Variants in MAGI3 observed in about 807,000 individuals in gnomAD.
MAGI3 encodes the protein membrane-associated guanylate kinase, WW and PDZ domain-containing protein 3.
In MAGI3, 43 loss-of-function variants were observed where a neutral mutation model predicts 121.8. The observed-to-expected ratio is 0.35, with a 90% CI of 0.28 to 0.46. The LOEUF is 0.46. MAGI3 is among the 20% of genes least tolerant of loss of function. The pLI, the probability that MAGI3 is intolerant of heterozygous loss-of-function variation, is 1.00. For synonymous variants in MAGI3, 553 were observed against 639.3 expected (o/e 0.86, Z 2.04); for missense variants, 1,547 against 1,797.3 (o/e 0.86, Z 2.52).
At chr1:113,673,108 C>T (rs1647662681) in intron 18 of MAGI3, among the ~76,000 whole-genome samples, 1 of 152,156 alleles carries the variant, frequency 6.6e-6, no homozygotes, top group Non-Finnish European at 1.5e-5. Flanking sequence ...TGCACATTGA[C>T]CAACTAGAAA....
In MAGI3 at chr1:113,601,924, G is replaced by T. The variant is rs12026195; in HGVS notation, c.1018+7364G>T. Among the ~76,000 whole-genome samples, 1,610 of 150,600 alleles carry T rather than the reference G, an allele frequency of 0.011. 173 individuals carry two copies. The East Asian group carries it at 0.25, about 23-fold the overall frequency. ...ATGATGAGTTCATGTCCTTTGTAGG[G>T]ACATGGATGAAATTGGAAATCATCA... On this transcript the variant is annotated intron_variant, in intron 6 of 20. Coordinates refer to ENST00000307546, the MANE Select transcript of MAGI3 (RefSeq NM_001142782.2).
At chr1:113,649,376 T>A in intron 13 of MAGI3, 48 bp downstream of exon 13, 2 of 1,336,878 alleles carry the variant, frequency 1.5e-6, no homozygotes, top group Non-Finnish European at 1.0e-6. Context: ...TCAAACGTTT[T>A]GAGTGGTGAT....
chr1:113,418,937 C>T (rs1359186469), intron 1 of MAGI3, among the ~76,000 whole-genome samples: 1 of 152,056 alleles, frequency 6.6e-6, no homozygotes, highest in Admixed American at 6.6e-5. Context: ...TATTACAGTA[C>T]ATTTATCAAA....
chr1:113,412,601 A>G (rs1652061424), intron 1 of MAGI3, among the ~76,000 whole-genome samples: 1 of 152,004 alleles, frequency 6.6e-6, no homozygotes, highest in South Asian at 2.1e-4. Flanking sequence ...TCTGGTTTTG[A>G]TTTGCATTTC....
intron 1 of MAGI3, among the ~76,000 whole-genome samples, chr1:113,521,596 C>T (rs1179260045): frequency 1.3e-5 from 2 of 151,490 alleles, no homozygotes; most frequent in African/African-American, 2.4e-5. Flanking sequence ...TTAGTAGAGA[C>T]GGGGTTTCAC....
chr1:113,542,656 A>G (rs1659344462), intron 1 of MAGI3, among the ~76,000 whole-genome samples: 2 of 152,220 alleles, frequency 1.3e-5, no homozygotes, highest in African/African-American at 4.8e-5. Context: ...TGTGTCATGG[A>G]AAAGTAGGCT....
chr1:113,471,323 T>G (rs928338942), intron 1 of MAGI3, among the ~76,000 whole-genome samples: 1 of 152,134 alleles, frequency 6.6e-6, no homozygotes, highest in Non-Finnish European at 1.5e-5. Context: ...GGAAGAAAAT[T>G]GAAAAACTCA....
intron 1 of MAGI3, among the ~76,000 whole-genome samples, chr1:113,520,477 TAA>T (rs1009812382): frequency 1.3e-5 from 2 of 152,228 alleles, no homozygotes; most frequent in African/African-American, 4.8e-5. Context: ...TTGTATTTTT[TAA>T]GAGATTTTAA....
intron 1 of MAGI3, among the ~76,000 whole-genome samples, chr1:113,439,483 C>G (rs1467246160): frequency 6.6e-6 from 1 of 152,160 alleles, no homozygotes; most frequent in Non-Finnish European, 1.5e-5. Context: ...TTTCCTGAAG[C>G]CAGTTTATTA....
At chr1:113,399,079 G>A (rs1207776821) in intron 1 of MAGI3, among the ~76,000 whole-genome samples, 4 of 151,990 alleles carry the variant, frequency 2.6e-5, no homozygotes, top group Non-Finnish European at 5.9e-5. Flanking sequence ...TTGGTCATTA[G>A]AATTATTATT....
At chr1:113,602,212 T>G (rs1398939543) in intron 6 of MAGI3, among the ~76,000 whole-genome samples, 1 of 151,954 alleles carries the variant, frequency 6.6e-6, no homozygotes, top group East Asian at 1.9e-4. Context: ...CCCTAAAACT[T>G]AAAGTATAAT....
chr1:113,681,160 A>G (rs762666836), intron 19 of MAGI3, 38 bp from the exon 20 acceptor site: 19 of 1,597,740 alleles, frequency 1.2e-5, no homozygotes, highest in African/African-American at 4.1e-5. Context: ...CAAAGGATGC[A>G]TAGTTTCATG....
At chr1:113,418,073 C>G (rs1652545302) in intron 1 of MAGI3, among the ~76,000 whole-genome samples, 1 of 151,912 alleles carries the variant, frequency 6.6e-6, no homozygotes, top group South Asian at 2.1e-4. Context: ...TGGTTTCAGT[C>G]TTTTGTTTTT....
chr1:113,561,495 A>C lies in MAGI3; in HGVS notation c.433+11864A>C, dbSNP rs189595136. Among the ~76,000 whole-genome samples the C allele has an allele frequency of 1.1e-4, 17 of 152,350 alleles. No homozygotes were observed. In the East Asian group the frequency reaches 2.3e-3, roughly 21 times the overall value. ...TCAATAAACGTAATTCACCACATAAATAGAACTAAAGACAAAAACCACGAT... is the reference window on the plus strand; with the variant it reads ...TCAATAAACGTAATTCACCACATAACTAGAACTAAAGACAAAAACCACGAT... On this transcript the variant is annotated intron_variant, in intron 2 of 20. Coordinates refer to ENST00000307546, the MANE Select transcript of MAGI3 (RefSeq NM_001142782.2).
chr1:113,550,020 G>T (rs1659699393), intron 2 of MAGI3, among the ~76,000 whole-genome samples: 1 of 151,708 alleles, frequency 6.6e-6, no homozygotes, highest in Non-Finnish European at 1.5e-5. Flanking sequence ...GGAGACTGAG[G>T]CAGGAGAATC....
intron 1 of MAGI3, among the ~76,000 whole-genome samples, chr1:113,514,944 C>T (rs1657812904): frequency 6.6e-6 from 1 of 151,992 alleles, no homozygotes; most frequent in Non-Finnish European, 1.5e-5. Context: ...ACTAAATTCT[C>T]ACATCTAGTA....
intron 9 of MAGI3, among the ~76,000 whole-genome samples, chr1:113,633,949 C>G (rs1249033824): frequency 1.3e-5 from 2 of 151,982 alleles, no homozygotes; most frequent in African/African-American, 4.8e-5. Flanking sequence ...GAGATGGTAT[C>G]TCATTGTGGT....
chr1:113,507,724 A>G (rs573053335), intron 1 of MAGI3, among the ~76,000 whole-genome samples: 1 of 152,332 alleles, frequency 6.6e-6, no homozygotes, highest in Admixed American at 6.5e-5. Context: ...GCACACAGAA[A>G]ATGCTTAGTG....
chr1:113,533,545 A>T (rs994725812), intron 1 of MAGI3, among the ~76,000 whole-genome samples: 1 of 152,136 alleles, frequency 6.6e-6, no homozygotes, highest in Non-Finnish European at 1.5e-5. Context: ...CACTCAATTT[A>T]CCCATGTAAC....
Sources: gnomAD v4.1 joint callset for allele counts (sites outside exome capture counted in the v4.1 genomes callset) on GRCh38, gnomAD v4.1.1 for gene constraint, MANE v1.5 for transcripts, NCBI Gene and HGNC (gene_info 2026-07-23, HGNC 2026-07-21) for gene names.